Variants in HIVEP2 observed in about 807,000 individuals in gnomAD.
HIVEP2 encodes the protein HIVEP zinc finger 2, also known as transcription factor HIVEP2.
HIVEP2 carries 14 observed loss-of-function variants against 180.7 expected under a neutral mutation model. That is an observed-to-expected ratio of 0.08 (90% CI 0.05 to 0.12). The LOEUF is 0.12. HIVEP2 is among the 10% of genes least tolerant of loss of function. The probability of loss-of-function intolerance (pLI) is 1.00; values close to 1 mark genes in which losing one functional copy is unlikely to be tolerated. For synonymous variants in HIVEP2, 1,184 were observed against 1,136.4 expected, an observed-to-expected ratio of 1.04 and a Z score of -0.84; for missense variants, 2,579 against 3,008.5, an observed-to-expected ratio of 0.86 and a Z score of 3.34.
chr6:142,913,294 A>T (rs750414054), intron 1 of HIVEP2, among the ~76,000 whole-genome samples: 3 of 152,220 alleles, frequency 2.0e-5, no homozygotes, highest in African/African-American at 4.8e-5. Context: ...AAAAACGTAC[A>T]TTTCCTTCAT....
intron 1 of HIVEP2, among the ~76,000 whole-genome samples, chr6:142,843,443 G>C (rs1313663743): frequency 1.3e-5 from 2 of 152,220 alleles, no homozygotes; most frequent in Non-Finnish European, 2.9e-5. Context: ...GAAGAGTTCT[G>C]TGGGGACTAG....
At chr6:142,837,315 T>G (rs879497554) in intron 1 of HIVEP2, among the ~76,000 whole-genome samples, 397 of 151,846 alleles carry the variant, frequency 2.6e-3, no homozygotes, top group Non-Finnish European at 4.5e-3. Context: ...TATTGGCAGG[T>G]GGAAATAATG....
At chr6:142,925,874 A>G (rs1777795735) in intron 1 of HIVEP2, among the ~76,000 whole-genome samples, 1 of 152,220 alleles carries the variant, frequency 6.6e-6, no homozygotes, top group Non-Finnish European at 1.5e-5. Flanking sequence ...CTTTGATGTA[A>G]GAAACCTTAG....
intron 1 of HIVEP2, among the ~76,000 whole-genome samples, chr6:142,864,161 C>T (rs908147623): frequency 6.6e-6 from 1 of 152,068 alleles, no homozygotes; most frequent in Admixed American, 6.6e-5. Flanking sequence ...TTTTGTCTAT[C>T]TCTCCCCCTC....
chr6:142,943,305 A>G lies in HIVEP2; in HGVS notation c.-641+1794T>C, dbSNP rs1778225015. Among the ~76,000 whole-genome samples the G allele has an allele frequency of 6.6e-6, 1 of 152,236 alleles. No homozygotes were observed. On this transcript the variant is annotated intron_variant, in intron 1 of 9. Transcript: ENST00000367603. This position sits in a 1 kb window ranked among gnomAD's most constrained non-coding sequence, Gnocchi z 4.5. ...GCAATGAGACATTTGCTACATATGT[A>G]GCAAACATATGGGATCTATATGTGC...
chr6:142,768,839 T>A (rs1775444703), intron 5 of HIVEP2, among the ~76,000 whole-genome samples: 2 of 152,240 alleles, frequency 1.3e-5, no homozygotes, highest in Non-Finnish European at 2.9e-5. Context: ...ACACATTCTA[T>A]GTTTTGAAGT....
At chr6:142,902,884 C>T (rs1323556932) in intron 1 of HIVEP2, among the ~76,000 whole-genome samples, 1 of 152,152 alleles carries the variant, frequency 6.6e-6, no homozygotes, top group Admixed American at 6.5e-5. Flanking sequence ...GCCCACAAGA[C>T]GGGTGGAGAA....
At chr6:142,880,698 C>T (rs1164989238) in intron 1 of HIVEP2, among the ~76,000 whole-genome samples, 4 of 152,130 alleles carry the variant, frequency 2.6e-5, no homozygotes, top group Non-Finnish European at 4.4e-5. Flanking sequence ...ATTTGGCCTG[C>T]GTGGCTCAGA....
At chr6:142,855,950 G>T (rs865817026) in intron 1 of HIVEP2, among the ~76,000 whole-genome samples, 24 of 152,296 alleles carry the variant, frequency 1.6e-4, no homozygotes, top group Non-Finnish European at 2.5e-4. Flanking sequence ...ACAGGGCTAT[G>T]TTTTCCCAAC....
Position 142,773,766 on chromosome 6 carries a change from C to A in HIVEP2, c.973G>T (p.Val325Leu). The change falls in exon 5 of 10, where the codon GTG becomes TTG. Residue 325 changes from valine (V) to leucine (L), a missense_variant. Physicochemically the swap from Val to Leu is conservative, Grantham distance 32. This residue lies in a region of HIVEP2 where 142 missense variants were observed against 135.2 expected (regional missense o/e 1.05). Transcript: ENST00000367603. ...CTTTTAGGGATAATCAAAATCGGCACCTTCATTGGACCTCCCAATGATTCT... is the reference window on the plus strand; with the variant it reads ...CTTTTAGGGATAATCAAAATCGGCAACTTCATTGGACCTCCCAATGATTCT... ...LEESLGGPMK[V>L]PILIIPKSGI... 6.2e-7 allele frequency: 1 copy of A among 1,613,998 alleles called. No individual in the cohort carries two copies. The highest frequency in any genetic ancestry group is 8.5e-7 in the Non-Finnish European group (1 of 1,180,020).
At chr6:142,827,597 G>A (rs1774946651) in intron 2 of HIVEP2, among the ~76,000 whole-genome samples, 1 of 152,220 alleles carries the variant, frequency 6.6e-6, no homozygotes, top group Non-Finnish European at 1.5e-5. Flanking sequence ...AAGAGCCAAG[G>A]AGAGCCCGAG....
At chr6:142,791,646 T>A (rs1171322884) in intron 2 of HIVEP2, among the ~76,000 whole-genome samples, 2 of 152,222 alleles carry the variant, frequency 1.3e-5, no homozygotes, top group Admixed American at 6.5e-5. Context: ...TATATACTAA[T>A]GTGATGAAAT....
At chr6:142,912,596 G>A (rs1777441227) in intron 1 of HIVEP2, among the ~76,000 whole-genome samples, 1 of 152,230 alleles carries the variant, frequency 6.6e-6, no homozygotes, top group South Asian at 2.1e-4. Flanking sequence ...CCAGGTGAGT[G>A]GTGGGCAAGC....
chr6:142,786,350 G>A (rs1222446858), intron 2 of HIVEP2, among the ~76,000 whole-genome samples: 2 of 152,120 alleles, frequency 1.3e-5, no homozygotes, highest in African/African-American at 4.8e-5. Flanking sequence ...AAACAAACAA[G>A]TTTTCAGAAA....
chr6:142,903,907 T>G (rs1326910638), intron 1 of HIVEP2, among the ~76,000 whole-genome samples: 11 of 152,218 alleles, frequency 7.2e-5, no homozygotes, highest in Admixed American at 7.2e-4. Context: ...AGTAGCAATT[T>G]GATACTTTAA....
At chr6:142,907,756 TC>T (rs1325973968) in intron 1 of HIVEP2, among the ~76,000 whole-genome samples, 4 of 152,164 alleles carry the variant, frequency 2.6e-5, no homozygotes, top group Non-Finnish European at 5.9e-5. Context: ...TCAGGACCAA[TC>T]CAAAAACGTC....
At chr6:142,754,023 C>T in intron 9 of HIVEP2, 92 bp from the exon 10 acceptor site, 2 of 652,890 alleles carry the variant, frequency 3.1e-6, no homozygotes, top group Non-Finnish European at 5.3e-6. Flanking sequence ...CACCCATTCA[C>T]ACATTCACTA....
chr6:142,790,642 T>C lies in HIVEP2; in HGVS notation c.-527-7027A>G, dbSNP rs896910495. On this transcript the variant is annotated intron_variant, in intron 2 of 9. Transcript: ENST00000367603. The stretch of plus-strand genomic sequence containing the variant: ...ATAAGGTCATGATTCTCCAATTTTC[T>C]TTTTACTCCTGGGTATGCCAAGACT... Among the ~76,000 whole-genome samples the C allele has an allele frequency of 3.9e-5, 6 of 152,222 alleles. No individual in the cohort carries two copies. The East Asian group carries it at 7.7e-4, about 20-fold the overall frequency.
chr6:142,937,779 C>CA (rs1778090985), intron 1 of HIVEP2, among the ~76,000 whole-genome samples: 1 of 152,178 alleles, frequency 6.6e-6, no homozygotes, highest in Non-Finnish European at 1.5e-5. Context: ...AGCATCCCCA[C>CA]AAAAACCTTT....
Sources: gnomAD v4.1 joint callset for allele counts (sites outside exome capture counted in the v4.1 genomes callset) on GRCh38, gnomAD v4.1.1 for gene constraint, gnomAD v4.1.1 regional missense constraint, Gnocchi (gnomAD v3.1) non-coding constraint, MANE v1.5 for transcripts, NCBI Gene and HGNC (gene_info 2026-07-23, HGNC 2026-07-21) for gene names.